Variants in ADD3 observed in about 807,000 individuals in gnomAD.
The protein encoded by ADD3 is adducin 3.
Under a neutral mutation model 80.2 loss-of-function variants are expected in ADD3, and 25 were observed. The observed-to-expected ratio is 0.31, with a 90% CI of 0.23 to 0.44. The LOEUF is 0.44. ADD3 is among the 20% of genes least tolerant of loss of function. ADD3 has a pLI of 1.00. For synonymous variants in ADD3, 284 were observed against 289.6 expected (o/e 0.98, Z 0.20); for missense variants, 829 against 847.5 (o/e 0.98, Z 0.27).
upstream of ADD3, chr10:110,006,011 G>T: frequency 4.1e-6 from 1 of 243,464 alleles, no homozygotes. Flanking sequence ...TGCTGCCGCC[G>T]CCGCCGCTGC....
chr10:110,102,913 A>C lies in ADD3; in HGVS notation c.195+2065A>C, dbSNP rs544789544. On this transcript the variant is annotated intron_variant, in intron 2 of 14. Transcript: ENST00000356080. ...TTTGTAAATTGGCTTAAAAGTAAAA[A>C]TTTTACTTATGCCTTGGGGAACTTA... Among the ~76,000 whole-genome samples, 3 of 152,324 alleles carry C rather than the reference A, an allele frequency of 2.0e-5. No individual in the cohort carries two copies. In the East Asian group the frequency reaches 5.8e-4, roughly 29 times the overall value.
chr10:110,062,785 C>T (rs919373339), intron 1 of ADD3, among the ~76,000 whole-genome samples: 28 of 152,138 alleles, frequency 1.8e-4, no homozygotes, highest in Admixed American at 1.1e-3. Flanking sequence ...TTCCATATCA[C>T]ACTCTACCAG....
intron 1 of ADD3, among the ~76,000 whole-genome samples, chr10:110,098,651 A>G (rs1848452226): frequency 6.7e-6 from 1 of 150,012 alleles, no homozygotes; most frequent in South Asian, 2.1e-4. Flanking sequence ...TTTTTTTGAG[A>G]TGGAGTCTCA....
At chr10:110,007,195 A>T (rs1446227324), upstream of ADD3, among the ~76,000 whole-genome samples, 2 of 152,162 alleles carry the variant, frequency 1.3e-5, no homozygotes, top group African/African-American at 4.8e-5. Flanking sequence ...CGCCTCAAAG[A>T]AGTGAGCTCT....
At chr10:110,084,343 CATG>C (rs1382919060) in intron 1 of ADD3, among the ~76,000 whole-genome samples, 1 of 152,176 alleles carries the variant, frequency 6.6e-6, no homozygotes, top group Non-Finnish European at 1.5e-5. Context: ...GAAATTGTAA[CATG>C]AGGCATTACC....
intron 1 of ADD3, among the ~76,000 whole-genome samples, chr10:110,012,265 T>G (rs138641844): frequency 2.7e-4 from 41 of 152,336 alleles, no homozygotes; most frequent in African/African-American, 8.7e-4. Context: ...GATCTTTTAT[T>G]TATTTCATGT....
chr10:110,126,097 C>G (rs968050684), intron 11 of ADD3, 152 bp downstream of exon 11: 2 of 774,914 alleles, frequency 2.6e-6, no homozygotes, highest in Non-Finnish European at 4.0e-6. Flanking sequence ...ATATTGAATG[C>G]CTCCAGCTCT....
Position 110,088,931 on chromosome 10 carries a change from A to G in ADD3, c.-29-11694A>G, listed in dbSNP as rs116835146. ...TCCTAGACTAGCCTTTTCAATGCAT[A>G]TTTATTTTGCAGACTCAGCTCATTT... On this transcript the variant is annotated intron_variant, in intron 1 of 14. Transcript: ENST00000356080. Among the ~76,000 whole-genome samples the G allele has an allele frequency of 7.3e-3, 1,118 of 152,208 alleles. 9 individuals are homozygous for G. The highest frequency in any genetic ancestry group is 0.025 in the African/African-American group (1,031 of 41,534).
Position 110,118,716 on chromosome 10 carries a change from C to A in ADD3, c.697C>A (p.His233Asn). The change falls in exon 6 of 15, where the codon CAT becomes AAT. Residue 233 changes from histidine (H) to asparagine (N), a missense_variant. Physicochemically the swap from His to Asn is moderately conservative, Grantham distance 68. Transcript: ENST00000356080. ...RPDVKCVIHI[H>N]TLATAAVSSM... is the part of the protein sequence containing the mutation. ...TGATGTTAAGTGTGTGATACACATC[C>A]ATACCCTTGCAACAGCAGCTGTAAG... 6.2e-7 allele frequency: 1 copy of A among 1,613,974 alleles called. No individual in the cohort carries two copies.
At chr10:110,011,281 A>G (rs1852302714) in intron 1 of ADD3, among the ~76,000 whole-genome samples, 4 of 152,218 alleles carry the variant, frequency 2.6e-5, no homozygotes, top group African/African-American at 9.6e-5. Context: ...TCCTAAAATG[A>G]ACCCTAAATG....
chr10:110,075,317 A>C (rs1845261965), intron 1 of ADD3, among the ~76,000 whole-genome samples: 1 of 151,780 alleles, frequency 6.6e-6, no homozygotes, highest in South Asian at 2.1e-4. Context: ...TCTCTCTGTG[A>C]TTGGGGTGTT....
At chr10:110,130,311 T>C in intron 12 of ADD3, 52 bp from the exon 13 acceptor site, 1 of 1,571,396 alleles carries the variant, frequency 6.4e-7, no homozygotes, top group Middle Eastern at 1.7e-4. Context: ...GATGGATAGA[T>C]ATATAAGTAA....
intron 1 of ADD3, among the ~76,000 whole-genome samples, chr10:110,063,734 TC>T (rs1279888773): frequency 3.2e-5 from 3 of 93,592 alleles, no homozygotes; most frequent in African/African-American, 8.8e-5. Flanking sequence ...ATATATATAT[TC>T]ATTATATATA....
intron 1 of ADD3, among the ~76,000 whole-genome samples, chr10:110,072,602 G>A (rs1418765771): frequency 3.3e-5 from 5 of 152,108 alleles, no homozygotes; most frequent in Non-Finnish European, 7.3e-5. Flanking sequence ...CTAAACCAGG[G>A]CATCCCTCAA....
rs564627268 is a variant in ADD3, at chr10:110,066,666, T to C, written c.-29-33959T>C. Among the ~76,000 whole-genome samples, 8 of 152,300 alleles carry C rather than the reference T, an allele frequency of 5.3e-5. No homozygotes were observed. The South Asian group carries it at 1.7e-3, about 32-fold the overall frequency. ...GTGGGGTTCTCTGTAACTCCCCATC[T>C]TTTAGAAGTCTGTTACAGGCTTCGA... On this transcript the variant is annotated intron_variant, in intron 1 of 14. Coordinates refer to ENST00000356080, the MANE Select transcript of ADD3 (RefSeq NM_016824.5).
intron 1 of ADD3, among the ~76,000 whole-genome samples, chr10:110,081,890 C>T (rs931780733): frequency 1.3e-5 from 2 of 152,154 alleles, no homozygotes; most frequent in Non-Finnish European, 2.9e-5. Context: ...GGATGTTGAA[C>T]AAACTTTGAA....
upstream of ADD3, among the ~76,000 whole-genome samples, chr10:110,006,397 T>A (rs1200655215): frequency 1.3e-5 from 2 of 152,208 alleles, no homozygotes; most frequent in African/African-American, 4.8e-5. Flanking sequence ...CTTTTCATTT[T>A]TTTGCTTTTT....
At chr10:110,075,668 A>G (rs1478541729) in intron 1 of ADD3, 1 of 152,236 alleles carries the variant, frequency 6.6e-6, no homozygotes, top group Non-Finnish European at 1.5e-5. Context: ...TGCAAATCCA[A>G]AAAGTATCAA....
chr10:110,116,465 T>C (rs1850741932), intron 4 of ADD3, 55 bp downstream of exon 4: 1 of 1,570,378 alleles, frequency 6.4e-7, no homozygotes, highest in Non-Finnish European at 8.7e-7. Flanking sequence ...AGAAGGCAAC[T>C]ATACTCTTCT....
Sources: allele counts gnomAD v4.1 joint callset (sites outside exome capture counted in the v4.1 genomes callset), GRCh38; gene constraint gnomAD v4.1.1; transcripts MANE v1.5; gene names NCBI Gene and HGNC (gene_info 2026-07-23, HGNC 2026-07-21).